VPS13A: variants seen among roughly 807,000 people sequenced by gnomAD.
The protein encoded by VPS13A is vacuolar protein sorting 13 homolog A.
Under a neutral mutation model 390.9 loss-of-function variants are expected in VPS13A, and 264 were observed. The ratio of observed to expected loss-of-function variants is 0.68; its 90% confidence interval spans 0.61 to 0.75. The LOEUF (loss-of-function observed/expected upper bound fraction) is 0.75. VPS13A is among the 30% of genes least tolerant of loss of function. The pLI is 0.00. For synonymous variants in VPS13A, 1,231 were observed against 1,227.1 expected (o/e 1.00, Z -0.07); for missense variants, 3,409 against 3,733.9 (o/e 0.91, Z 2.27).
intron 1 of VPS13A, among the ~76,000 whole-genome samples, chr9:77,181,253 T>A (rs944552514): frequency 1.3e-5 from 2 of 151,564 alleles, no homozygotes; most frequent in Non-Finnish European, 2.9e-5. Context: ...CCAGGCATAG[T>A]GGCTCATGCC....
intron 59 of VPS13A, among the ~76,000 whole-genome samples, chr9:77,363,196 A>T (rs909152735): frequency 6.6e-6 from 1 of 152,032 alleles, no homozygotes; most frequent in African/African-American, 2.4e-5. Flanking sequence ...CTTGGAGGGT[A>T]AATTTTCAGT....
chr9:77,400,744 C>A (rs1351931337), intron 68 of VPS13A, among the ~76,000 whole-genome samples: 6 of 149,436 alleles, frequency 4.0e-5, no homozygotes, highest in African/African-American at 1.5e-4. Context: ...AGGAGAATGG[C>A]ATGAACCCAG....
intron 46 of VPS13A, among the ~76,000 whole-genome samples, chr9:77,333,203 T>C (rs1830368784): frequency 6.6e-6 from 1 of 152,224 alleles, no homozygotes; most frequent in African/African-American, 2.4e-5. Context: ...TATTCTACTT[T>C]TTAATACATT....
intron 68 of VPS13A, 196 bp downstream of exon 68, chr9:77,382,283 C>T: frequency 1.3e-6 from 2 of 1,520,810 alleles, no homozygotes; most frequent in Non-Finnish European, 1.8e-6. Context: ...TTACAGGCAT[C>T]AAAAAGTTTG....
chr9:77,409,505 TA>T (rs1216812458), intron 71 of VPS13A, among the ~76,000 whole-genome samples: 1 of 151,804 alleles, frequency 6.6e-6, no homozygotes, highest in African/African-American at 2.4e-5. Flanking sequence ...TACACCAAGC[TA>T]AAGGAGGAAG....
rs751410629 is a variant in VPS13A, at chr9:77,295,821, A to G, written c.3787A>G (p.Lys1263Glu). 4.3e-6 allele frequency: 7 copies of G among 1,613,946 alleles called. No individual in the cohort carries two copies. Among genetic ancestry groups the G allele is most frequent in the Non-Finnish European group, 8.5e-7 (1 of 1,179,928 alleles). The stretch of plus-strand genomic sequence containing the variant: ...ACCTGTTATTGATTTGATAACAATA[A>G]AGCTGAGTGAAATGCGACTATACAG... ...PPPVIDLITI[K>E]LSEMRLYRSR... The change falls in exon 33 of 72, where the codon AAG (lysine) becomes GAG (glutamate). Residue 1263 changes from lysine to glutamate, a missense_variant. Transcript: ENST00000360280.
intron 3 of VPS13A, among the ~76,000 whole-genome samples, chr9:77,203,714 G>A (rs12684856): frequency 0.12 from 18,182 of 152,216 alleles, 1,271 homozygotes; most frequent in Middle Eastern, 0.22. Flanking sequence ...AAGTATTACT[G>A]TATGTATTTT....
At chr9:77,227,514 G>T (rs1158869773) in intron 16 of VPS13A, 29 bp downstream of exon 16, 3 of 1,484,246 alleles carry the variant, frequency 2.0e-6, no homozygotes, top group Middle Eastern at 3.5e-4. Context: ...TTATACCTTA[G>T]AATATATTTA....
chr9:77,410,130 G>C (rs555971803), intron 71 of VPS13A, among the ~76,000 whole-genome samples: 1 of 152,254 alleles, frequency 6.6e-6, no homozygotes, highest in African/African-American at 2.4e-5. Flanking sequence ...AAGAGAGTGG[G>C]GGCCAATATT....
chr9:77,197,626 AT>A (rs893439635), intron 1 of VPS13A, among the ~76,000 whole-genome samples: 1,513 of 149,862 alleles, frequency 0.01, 30 homozygotes, highest in African/African-American at 0.035. Flanking sequence ...TGGATTTTGG[AT>A]TTTTTTTTTC....
intron 31 of VPS13A, among the ~76,000 whole-genome samples, chr9:77,288,157 T>C (rs889357605): frequency 3.3e-5 from 5 of 152,200 alleles, no homozygotes; most frequent in African/African-American, 1.2e-4. Context: ...CGTTTTTTTT[T>C]CTTAGCATGT....
At chr9:77,220,513 G>A (rs1207671102) in intron 12 of VPS13A, 130 bp downstream of exon 12, 1 of 677,176 alleles carries the variant, frequency 1.5e-6, no homozygotes. Context: ...TTGATTTATA[G>A]CTAGAAATAT....
At chr9:77,206,956 T>G (rs899100768) in intron 5 of VPS13A, among the ~76,000 whole-genome samples, 1 of 151,766 alleles carries the variant, frequency 6.6e-6, no homozygotes, top group Non-Finnish European at 1.5e-5. Context: ...GTAATTCTGT[T>G]TTTTCTCTGT....
chr9:77,399,181 T>TAAAAAAAAAAAAA (rs1223344360), intron 68 of VPS13A, among the ~76,000 whole-genome samples: 78 of 34,930 alleles, frequency 2.2e-3, no homozygotes, highest in African/African-American at 3.4e-3. Flanking sequence ...AAAAAAAAAA[T>TAAAAAAAAAAAAA]AAAAAAAAAA....
chr9:77,221,662 TTC>T (rs901706089), intron 13 of VPS13A, among the ~76,000 whole-genome samples: 8 of 152,296 alleles, frequency 5.3e-5, no homozygotes, highest in Middle Eastern at 3.4e-3. Flanking sequence ...TGATTCCAAC[TTC>T]TCTGTGTTGG....
chr9:77,313,831 G>C (rs563167500), intron 35 of VPS13A, among the ~76,000 whole-genome samples, 161 bp from the exon 36 acceptor site: 12 of 152,118 alleles, frequency 7.9e-5, no homozygotes, highest in Non-Finnish European at 1.6e-4. Context: ...TCCTAAGCCA[G>C]AAGTTACTGA....
At chr9:77,214,788 A>G (rs995789517) in intron 10 of VPS13A, among the ~76,000 whole-genome samples, 7 of 152,162 alleles carry the variant, frequency 4.6e-5, no homozygotes, top group South Asian at 2.1e-4. Flanking sequence ...ATACTTTTCT[A>G]TGTTTTCCTA....
At chr9:77,259,998 C>T in intron 22 of VPS13A, 88 bp from the exon 23 acceptor site, 1 of 915,232 alleles carries the variant, frequency 1.1e-6, no homozygotes, top group Non-Finnish European at 1.6e-6. Context: ...ACATTTGATT[C>T]AGATAATTTG....
chr9:77,401,853 T>A (rs1451251967), intron 68 of VPS13A, among the ~76,000 whole-genome samples: 1 of 152,208 alleles, frequency 6.6e-6, no homozygotes, highest in Non-Finnish European at 1.5e-5. Context: ...AACCTTCACA[T>A]ACCTTTTATT....
Sources: gnomAD v4.1 joint callset for allele counts (sites outside exome capture counted in the v4.1 genomes callset) on GRCh38, gnomAD v4.1.1 for gene constraint, MANE v1.5 for transcripts, NCBI Gene and HGNC (gene_info 2026-07-23, HGNC 2026-07-21) for gene names.